The following COL14A1 variants were observed in gnomAD, a reference collection of about 807,000 sequenced individuals.
The protein encoded by COL14A1 is collagen alpha-1(XIV) chain.
COL14A1 carries 136 observed loss-of-function variants against 230.3 expected under a neutral mutation model. The observed-to-expected ratio is 0.59, with a 90% CI of 0.51 to 0.68. The LOEUF is 0.68. Ranked by LOEUF, COL14A1 falls within the 30% of genes least tolerant of loss-of-function variation. COL14A1 has a pLI of 0.00. For missense variants in COL14A1, 1,976 were observed against 2,215.8 expected, an observed-to-expected ratio of 0.89 and a Z score of 2.17; for synonymous variants, 792 against 784.1, an observed-to-expected ratio of 1.01 and a Z score of -0.17.
intron 32 of COL14A1, among the ~76,000 whole-genome samples, chr8:120,284,743 T>C (rs1232658276): frequency 1.3e-5 from 2 of 152,198 alleles, no homozygotes; most frequent in Non-Finnish European, 2.9e-5. Flanking sequence ...ACCTGGGACT[T>C]GAAAATGAAG....
intron 45 of COL14A1, among the ~76,000 whole-genome samples, chr8:120,357,304 G>T (rs568382861): frequency 1.2e-4 from 18 of 152,248 alleles, no homozygotes; most frequent in African/African-American, 4.1e-4. Flanking sequence ...GGAGTCTCCA[G>T]CCCTGGCTGA....
rs578153752 is a variant in COL14A1 at position 120,127,135 on chromosome 8, G to A, written c.-38+1795G>A. ...GTGTCTGTATGGATTTGCCTATTTC[G>A]GACATTTCATATAAATGGAAGAATA... On this transcript the variant is annotated intron_variant, in intron 1 of 47. Coordinates refer to ENST00000297848, the MANE Select transcript of COL14A1 (RefSeq NM_021110.4). Among the ~76,000 whole-genome samples, 83 of 152,200 alleles carry A rather than the reference G, an allele frequency of 5.5e-4. 2 individuals are homozygous for A. In the South Asian group the frequency reaches 0.017, roughly 30 times the overall value.
intron 5 of COL14A1, among the ~76,000 whole-genome samples, chr8:120,186,062 C>A (rs986003657): frequency 6.6e-6 from 1 of 152,212 alleles, no homozygotes. Context: ...CGTGAGCCAC[C>A]ACGCCCTGCT....
At chr8:120,141,487 G>A (rs886148622) in intron 1 of COL14A1, among the ~76,000 whole-genome samples, 1 of 152,036 alleles carries the variant, frequency 6.6e-6, no homozygotes, top group African/African-American at 2.4e-5. Context: ...TGAGGCTGTT[G>A]TGAGCCATAA....
At chr8:120,319,124 T>G (rs1259450993) in intron 40 of COL14A1, among the ~76,000 whole-genome samples, 1 of 151,996 alleles carries the variant, frequency 6.6e-6, no homozygotes, top group Admixed American at 6.6e-5. Context: ...TTTCTTCCTT[T>G]TATATTTTTG....
intron 8 of COL14A1, among the ~76,000 whole-genome samples, chr8:120,202,954 C>G (rs1398138588): frequency 1.4e-5 from 2 of 139,950 alleles, no homozygotes; most frequent in South Asian, 2.3e-4. Flanking sequence ...CTAGCTTTCT[C>G]CTTGGCTTAA....
At chr8:120,230,769 A>C (rs899784545) in intron 18 of COL14A1, among the ~76,000 whole-genome samples, 2 of 152,246 alleles carry the variant, frequency 1.3e-5, no homozygotes, top group South Asian at 4.1e-4. Flanking sequence ...AAATGAATTA[A>C]TAGATGAATG....
chr8:120,247,238 A>G (rs1818793562), intron 20 of COL14A1, among the ~76,000 whole-genome samples: 1 of 152,228 alleles, frequency 6.6e-6, no homozygotes, highest in Non-Finnish European at 1.5e-5. Flanking sequence ...CTTGGCTAAC[A>G]TGGTGAAACC....
intron 13 of COL14A1, 130 bp downstream of exon 13, chr8:120,212,707 C>T (rs1435354735): frequency 1.1e-6 from 1 of 945,778 alleles, no homozygotes; most frequent in African/African-American, 1.7e-5. Flanking sequence ...ATCTCATGTT[C>T]TATTTAGGGC....
At chr8:120,238,317 A>G (rs553131142) in intron 19 of COL14A1, among the ~76,000 whole-genome samples, 204 of 152,162 alleles carry the variant, frequency 1.3e-3, no homozygotes, top group African/African-American at 4.8e-3. Flanking sequence ...AGAGAGGAGG[A>G]ATCTAGAGAG....
intron 33 of COL14A1, 79 bp downstream of exon 33, chr8:120,286,049 C>A (rs2129935538): frequency 2.5e-6 from 2 of 794,514 alleles, no homozygotes; most frequent in Non-Finnish European, 4.2e-6. Context: ...TTCCATAGGG[C>A]TTTGGATCTC....
chr8:120,209,783 T>C lies in COL14A1; in HGVS notation c.1349T>C (p.Leu450Pro). 1 of 1,613,420 alleles carries C rather than the reference T, an allele frequency of 6.2e-7. No homozygotes were observed. Residue 450 changes from leucine (L) to proline (P), a missense_variant, in exon 12 of 48, where the codon CTA becomes CCA. Transcript: ENST00000297848. ...GCTTTACCGATGGCTTCTGACCTTCTACTGTACGACGTGACTGAGAACAGC... is the reference window on the plus strand; with the variant it reads ...GCTTTACCGATGGCTTCTGACCTTCCACTGTACGACGTGACTGAGAACAGC... ...TLALPMASDL[L>P]LYDVTENSMR...
chr8:120,227,206 A>G lies in COL14A1; in HGVS notation c.2005-14A>G, dbSNP rs1321875682. 2.5e-6 allele frequency: 4 copies of G among 1,612,990 alleles called. No individual in the cohort carries two copies. Among genetic ancestry groups the G allele is most frequent in the Non-Finnish European group, 3.4e-6 (4 of 1,179,664 alleles). ...CAAATAAGCATAGTTACTAAGCACC[A>G]AAATATATTTCAGGTTGTCCTGAAA... is the stretch of plus-strand genomic sequence containing the variant. On this transcript the variant is annotated splice_polypyrimidine_tract_variant and intron_variant, in intron 16 of 47. Coordinates refer to ENST00000297848, the MANE Select transcript of COL14A1 (RefSeq NM_021110.4).
intron 40 of COL14A1, among the ~76,000 whole-genome samples, chr8:120,319,470 T>G (rs536785152): frequency 6.6e-6 from 1 of 152,252 alleles, no homozygotes; most frequent in East Asian, 1.9e-4. Flanking sequence ...CCACAACACC[T>G]GGCCAAATCT....
At chr8:120,166,922 G>GTGTGTGTGTGTGTGTGTGTGT (rs1217998586) in intron 4 of COL14A1, among the ~76,000 whole-genome samples, 2 of 134,410 alleles carry the variant, frequency 1.5e-5, no homozygotes, top group Non-Finnish European at 3.2e-5. Context: ...GTGTGTGTGT[G>GTGTGTGTGTGTGTGTGTGTGT]GTGGTGATGA....
At chr8:120,272,235 A>C (rs1465903785) in intron 26 of COL14A1, among the ~76,000 whole-genome samples, 1 of 151,796 alleles carries the variant, frequency 6.6e-6, no homozygotes, top group Non-Finnish European at 1.5e-5. Context: ...ATTTTCAGGC[A>C]AACAAATGGT....
chr8:120,318,368 CA>C (rs1821310270), intron 40 of COL14A1, among the ~76,000 whole-genome samples: 1 of 151,894 alleles, frequency 6.6e-6, no homozygotes, highest in Non-Finnish European at 1.5e-5. Context: ...TCCCTGGGGC[CA>C]GAAAGACAAA....
chr8:120,152,891 C>T (rs1282406991), intron 2 of COL14A1, among the ~76,000 whole-genome samples: 7 of 152,264 alleles, frequency 4.6e-5, no homozygotes, highest in South Asian at 4.1e-4. Flanking sequence ...TTGGAGACTT[C>T]GCATAGGGGC....
intron 45 of COL14A1, among the ~76,000 whole-genome samples, chr8:120,351,017 C>T (rs1251486660): frequency 6.7e-6 from 1 of 150,040 alleles, no homozygotes; most frequent in African/African-American, 2.5e-5. Flanking sequence ...TGTAAAAGAA[C>T]AGAAATTACA....
Sources: allele counts gnomAD v4.1 joint callset (sites outside exome capture counted in the v4.1 genomes callset), GRCh38; gene constraint gnomAD v4.1.1; transcripts MANE v1.5; gene names NCBI Gene and HGNC (gene_info 2026-07-23, HGNC 2026-07-21).